The following PLA2G4C variants were observed in gnomAD, a reference collection of about 807,000 sequenced individuals.
PLA2G4C encodes phospholipase A2 group IVC.
Under a neutral mutation model 73.8 loss-of-function variants are expected in PLA2G4C, and 64 were observed. The ratio of observed to expected loss-of-function variants is 0.87; its 90% confidence interval spans 0.71 to 1.07. The LOEUF (loss-of-function observed/expected upper bound fraction) is 1.07, where lower values mean the gene tolerates loss of function less well. Among genes scored for constraint, PLA2G4C ranks in the 50% least tolerant of loss-of-function variants. The pLI is 0.00. For synonymous variants in PLA2G4C, 254 were observed against 252.1 expected, an observed-to-expected ratio of 1.01 and a Z score of -0.07; for missense variants, 622 against 665.4, an observed-to-expected ratio of 0.93 and a Z score of 0.72.
chr19:48,109,585 T>C (rs2032385993), intron 1 of PLA2G4C, among the ~76,000 whole-genome samples: 1 of 152,112 alleles, frequency 6.6e-6, no homozygotes, highest in South Asian at 2.1e-4. Flanking sequence ...CATAGGCTCT[T>C]AAAGGGGTGA....
intron 4 of PLA2G4C, 41 bp from the exon 5 acceptor site, chr19:48,099,901 G>T: frequency 7.0e-7 from 1 of 1,432,768 alleles, no homozygotes; most frequent in Non-Finnish European, 9.8e-7. Context: ...CATTTTAAGT[G>T]TGGACGATGA....
In PLA2G4C at chr19:48,110,558, G is replaced by T. The variant is rs545692276; in HGVS notation, c.-104C>A. On this transcript the variant is annotated 5_prime_UTR_variant, in exon 1 of 17. Transcript: ENST00000599921. ...CTCCGGAATCCGGTGCGGAGGCTTGGGCTCCCTGCGCTTAGCGGTGTAGTC... is the reference window on the plus strand; with the variant it reads ...CTCCGGAATCCGGTGCGGAGGCTTGTGCTCCCTGCGCTTAGCGGTGTAGTC... 2 of 1,488,136 alleles carry T rather than the reference G, an allele frequency of 1.3e-6. No homozygotes were observed. Among genetic ancestry groups the T allele is most frequent in the African/African-American group, 1.4e-5 (1 of 69,862 alleles). The allele number at this position is 1,488,136 out of a possible 1,614,324, so 92.2% of individuals were successfully genotyped here. A position where few individuals can be genotyped will look rare whatever the true frequency, so the allele number is the denominator to read the frequency against.
rs1491313107 is a variant in PLA2G4C, at chr19:48,101,126, A to ATATATATTT, written c.258-1267_258-1266insAAATATATA. Among the ~76,000 whole-genome samples, 324 of 74,094 alleles carry ATATATATTT rather than the reference A, an allele frequency of 4.4e-3. 5 individuals are homozygous for ATATATATTT. The highest frequency in any genetic ancestry group is 0.017 in the African/African-American group (263 of 15,564). 48.6% of individuals were successfully genotyped at this position (74,094 alleles called of 152,430 possible). On this transcript the variant is annotated intron_variant, in intron 4 of 16. Coordinates refer to ENST00000599921, the MANE Select transcript of PLA2G4C (RefSeq NM_003706.3). Reference sequence around the variant, plus strand: ...AGTCTATATATATATATATATATATATTTTTTTTTTTTTTTTTGAGACAGG... The same window carrying ATATATATTT: ...AGTCTATATATATATATATATATATATATATATTTTTTTTTTTTTTTTTTTTGAGACAGG...
rs1267913084 is a variant in PLA2G4C, at chr19:48,105,407, C to T, written c.46G>A (p.Glu16Lys). The change falls in exon 3 of 17, where the codon GAA becomes AAA. Residue 16 changes from glutamate to lysine, a missense_variant. Transcript: ENST00000599921. ...CTTCGTCTCTCCACGGCCGCCTTTT[C>T]TTCTTTCTGGAGCCCAGGAATTATG... is the stretch of plus-strand genomic sequence containing the variant. ...VSIIPGLQKE[E>K]KAAVERRRLH... The T allele has an allele frequency of 9.9e-6, 16 of 1,613,956 alleles. No homozygotes were observed. Among genetic ancestry groups the T allele is most frequent in the Admixed American group, 1.7e-5 (1 of 59,976 alleles).
chr19:48,059,764 C>A (rs1405116023), intron 14 of PLA2G4C, among the ~76,000 whole-genome samples: 2 of 122,464 alleles, frequency 1.6e-5, no homozygotes, highest in Non-Finnish European at 3.4e-5. Context: ...GGCTTCCCTA[C>A]TTTTTTTTTT....
At chr19:48,105,947 C>CTTCT (rs1216106059) in intron 2 of PLA2G4C, among the ~76,000 whole-genome samples, 378 of 9,144 alleles carry the variant, frequency 0.041, 32 homozygotes, top group Non-Finnish European at 0.05. Flanking sequence ...CCCTCCCTCC[C>CTTCT]TTCTTTCTTT....
chr19:48,058,876 A>C (rs1360152079), intron 14 of PLA2G4C, among the ~76,000 whole-genome samples: 1 of 152,094 alleles, frequency 6.6e-6, no homozygotes. Context: ...TAGTTTCCTT[A>C]TAAGCCCCAT....
At chr19:48,078,561 A>G (rs2030323964) in intron 10 of PLA2G4C, among the ~76,000 whole-genome samples, 1 of 152,218 alleles carries the variant, frequency 6.6e-6, no homozygotes, top group Admixed American at 6.5e-5. Flanking sequence ...TAGCACTGCT[A>G]TACACCAACA....
chr19:48,068,731 T>TA lies in PLA2G4C; in HGVS notation c.1007-846dup, dbSNP rs532183992. ...TTAGATACAAGGGAGACCTTGTATC[T>TA]AAAAAAAAAAAAAAAAGAAAAAAAG... On this transcript the variant is annotated intron_variant, in intron 12 of 16. Transcript: ENST00000599921. 7.9e-3 allele frequency among the ~76,000 whole-genome samples: 777 copies of TA among 97,764 alleles called. 6 individuals are homozygous for TA. Among genetic ancestry groups the TA allele is most frequent in the African/African-American group, 0.019 (488 of 25,818 alleles). 64.1% of individuals were successfully genotyped at this position (97,764 alleles called of 152,430 possible).
At chr19:48,061,863 T>C (rs1167736407) in intron 14 of PLA2G4C, 135 bp downstream of exon 14, 13 of 854,666 alleles carry the variant, frequency 1.5e-5, no homozygotes, top group African/African-American at 6.9e-5. Context: ...GTGAGTTGAT[T>C]TGGCTCTCTG....
At chr19:48,050,846 T>C (rs912154006) in intron 16 of PLA2G4C, among the ~76,000 whole-genome samples, 5 of 151,848 alleles carry the variant, frequency 3.3e-5, no homozygotes, top group African/African-American at 1.2e-4. Flanking sequence ...TGCTATTTTT[T>C]TGTACTTTTA....
chr19:48,097,503 C>T (rs545052313), intron 6 of PLA2G4C, among the ~76,000 whole-genome samples: 2 of 151,936 alleles, frequency 1.3e-5, no homozygotes, highest in South Asian at 4.2e-4. Flanking sequence ...CCACCCGCCT[C>T]GGCCTCCCAA....
chr19:48,083,244 A>G (rs1306284474), intron 10 of PLA2G4C, among the ~76,000 whole-genome samples: 6 of 152,182 alleles, frequency 3.9e-5, no homozygotes, highest in African/African-American at 1.4e-4. Context: ...CACATCAAAT[A>G]GTACATAGTC....
At chr19:48,107,793 T>A (rs2032308205) in intron 1 of PLA2G4C, among the ~76,000 whole-genome samples, 1 of 152,208 alleles carries the variant, frequency 6.6e-6, no homozygotes, top group Non-Finnish European at 1.5e-5. Flanking sequence ...CTGCACCCTC[T>A]AGATAGCAGT....
intron 4 of PLA2G4C, 87 bp downstream of exon 4, chr19:48,104,501 A>G: frequency 2.2e-6 from 3 of 1,363,408 alleles, no homozygotes; most frequent in South Asian, 1.3e-5. Context: ...GCAGCGTTGG[A>G]AAAAACCACA....
At chr19:48,067,077 A>T (rs1345518466) in intron 13 of PLA2G4C, among the ~76,000 whole-genome samples, 1 of 152,112 alleles carries the variant, frequency 6.6e-6, no homozygotes. Flanking sequence ...GGAGACTATT[A>T]AATGGCCTCA....
chr19:48,056,939 C>G (rs1229799775), intron 14 of PLA2G4C, among the ~76,000 whole-genome samples: 1 of 151,352 alleles, frequency 6.6e-6, no homozygotes, highest in Admixed American at 6.6e-5. Context: ...GATGAGAACA[C>G]ATGGACACAC....
chr19:48,062,213 A>C, intron 13 of PLA2G4C, 61 bp from the exon 14 acceptor site: 1 of 1,380,300 alleles, frequency 7.2e-7, no homozygotes, highest in East Asian at 2.5e-5. Flanking sequence ...AAGACTTGGA[A>C]ATGGAAGGCA....
rs11883072 is a variant in PLA2G4C, at chr19:48,105,998, T to C, written c.8+524A>G. ...TCTTTCTTTCTTTCTTTCTTTCTCT[T>C]TCTCTCTCTCTTTTTTGAGACAGAG... is the stretch of plus-strand genomic sequence containing the variant. On this transcript the variant is annotated intron_variant, in intron 2 of 16. Transcript: ENST00000599921. 1.5e-3 allele frequency among the ~76,000 whole-genome samples: 147 copies of C among 100,372 alleles called. 8 individuals are homozygous for C. Among genetic ancestry groups the C allele is most frequent in the African/African-American group, 5.3e-3 (135 of 25,576 alleles). 65.8% of individuals were successfully genotyped at this position (100,372 alleles called of 152,430 possible). A position where few individuals can be genotyped will look rare whatever the true frequency, so the allele number is the denominator to read the frequency against.
Sources: gnomAD v4.1 joint callset for allele counts (sites outside exome capture counted in the v4.1 genomes callset) on GRCh38, gnomAD v4.1.1 for gene constraint, MANE v1.5 for transcripts, NCBI Gene and HGNC (gene_info 2026-07-23, HGNC 2026-07-21) for gene names.